Variants in PNPLA7 observed in about 807,000 individuals in gnomAD.
PNPLA7 encodes patatin like domain 7, lysophospholipase, also known as patatin-like phospholipase domain-containing protein 7.
PNPLA7 carries 153 observed loss-of-function variants against 161.7 expected under a neutral mutation model. That is an observed-to-expected ratio of 0.95 (90% CI 0.83 to 1.08). The LOEUF is 1.08. Ranked by LOEUF, PNPLA7 falls within the 50% of genes least tolerant of loss-of-function variation. PNPLA7 has a pLI of 0.00. For synonymous variants in PNPLA7, 809 were observed against 782.1 expected (o/e 1.03, Z -0.57); for missense variants, 1,739 against 1,856.6 (o/e 0.94, Z 1.16).
At chr9:137,538,353 C>T (rs1836004954) in intron 8 of PNPLA7, among the ~76,000 whole-genome samples, 1 of 152,238 alleles carries the variant, frequency 6.6e-6, no homozygotes, top group Non-Finnish European at 1.5e-5. Context: ...GCCCATCTGC[C>T]GGGGAGCAGA....
chr9:137,480,766 G>A (rs1459948038), intron 22 of PNPLA7, 194 bp downstream of exon 22: 4 of 760,708 alleles, frequency 5.3e-6, no homozygotes, highest in African/African-American at 5.2e-5. Context: ...CCCCTGGGAG[G>A]CCTGACAGTG....
In PNPLA7 at chr9:137,523,158, C is replaced by A. The variant is rs1008439097; in HGVS notation, c.748-301G>T. Among the ~76,000 whole-genome samples, 3 of 152,202 alleles carry A rather than the reference C, an allele frequency of 2.0e-5. No individual in the cohort carries two copies. The highest frequency in any genetic ancestry group is 4.4e-5 in the Non-Finnish European group (3 of 68,034). On this transcript the variant is annotated intron_variant, in intron 8 of 34. Transcript: ENST00000406427. This position sits in a 1 kb window ranked among gnomAD's most constrained non-coding sequence, Gnocchi z 4.4. Reference sequence around the variant, plus strand: ...CCATGGGGAGTTCCAACCACTCCCACCTGCCACTGAGGCTCACGGACCAGC... The same window carrying A: ...CCATGGGGAGTTCCAACCACTCCCAACTGCCACTGAGGCTCACGGACCAGC...
In PNPLA7 at chr9:137,547,849, C is replaced by G. The variant is rs1487805663; in HGVS notation, c.31-190G>C. Among the ~76,000 whole-genome samples, 14 of 152,208 alleles carry G rather than the reference C, an allele frequency of 9.2e-5. No homozygotes were observed. Among genetic ancestry groups the G allele is most frequent in the Non-Finnish European group, 4.4e-5 (3 of 68,030 alleles). On this transcript the variant is annotated intron_variant, in intron 1 of 34. Transcript: ENST00000406427. The surrounding 1 kb of genome is among the most constrained non-coding windows in gnomAD (Gnocchi z 4.6). ...TGCTAGGAAGCACTCAGAGAGCAAC[C>G]TGGCTCCCTCAGTCACTGGGATACA...
chr9:137,481,884 T>C (rs938420595), intron 21 of PNPLA7, among the ~76,000 whole-genome samples: 4 of 152,248 alleles, frequency 2.6e-5, no homozygotes, highest in Non-Finnish European at 4.4e-5. Flanking sequence ...TGCAGTGAGC[T>C]GAGATCGCGC....
chr9:137,502,197 G>T (rs141665814), intron 14 of PNPLA7, among the ~76,000 whole-genome samples: 1 of 152,164 alleles, frequency 6.6e-6, no homozygotes, highest in Non-Finnish European at 1.5e-5. Context: ...AGAAGGCAGA[G>T]GTTGCAGTGG....
intron 26 of PNPLA7, among the ~76,000 whole-genome samples, chr9:137,465,111 C>T (rs1334858588): frequency 6.6e-6 from 1 of 152,110 alleles, no homozygotes; most frequent in African/African-American, 2.4e-5. Flanking sequence ...GCTCAGGGGA[C>T]GGAGGCTGGG....
chr9:137,514,060 G>A (rs997371799), intron 12 of PNPLA7, among the ~76,000 whole-genome samples: 12 of 152,110 alleles, frequency 7.9e-5, no homozygotes, highest in African/African-American at 1.2e-4. Context: ...GGCTGTGGGC[G>A]GGTCACCTGA....
At chr9:137,512,033 G>A (rs1216548350) in intron 12 of PNPLA7, among the ~76,000 whole-genome samples, 2 of 152,154 alleles carry the variant, frequency 1.3e-5, no homozygotes, top group South Asian at 2.1e-4. Flanking sequence ...GGCCACTACC[G>A]GACTCTGCGC....
chr9:137,547,506 C>A lies in PNPLA7; in HGVS notation c.105+79G>T. 2 of 1,594,436 alleles carry A rather than the reference C, an allele frequency of 1.3e-6. No homozygotes were observed. The highest frequency in any genetic ancestry group is 1.1e-5 in the South Asian group (1 of 90,694). On this transcript the variant is annotated intron_variant, in intron 2 of 34. Transcript: ENST00000406427. The surrounding 1 kb of genome is among the most constrained non-coding windows in gnomAD (Gnocchi z 4.6). ...CAACCACAGGCTGGGCAGGAATGAG[C>A]CAGGGGATGGGGACAGGGAGAGGTG... is the stretch of plus-strand genomic sequence containing the variant.
rs186332332 is a variant in PNPLA7 at position 137,520,597 on chromosome 9, C to T, written c.958-554G>A. Among the ~76,000 whole-genome samples, 298 of 152,344 alleles carry T rather than the reference C, an allele frequency of 2.0e-3. 1 individual carries two copies. Among genetic ancestry groups the T allele is most frequent in the South Asian group, 3.5e-3 (17 of 4,828 alleles). On this transcript the variant is annotated intron_variant, in intron 10 of 34. Transcript: ENST00000406427. This position sits in a 1 kb window ranked among gnomAD's most constrained non-coding sequence, Gnocchi z 5.2. Reference sequence around the variant, plus strand: ...CTTTACTAACCGAGCTCCACTTGCCCCATGACTAAAGAGAGCCCTCCGCAT... The same window carrying T: ...CTTTACTAACCGAGCTCCACTTGCCTCATGACTAAAGAGAGCCCTCCGCAT...
chr9:137,519,141 T>C (rs1354712089), intron 11 of PNPLA7, among the ~76,000 whole-genome samples: 3 of 152,248 alleles, frequency 2.0e-5, no homozygotes, highest in Non-Finnish European at 4.4e-5. Context: ...CTCATCAGCA[T>C]TGCTTCATTT....
At position 137,462,748 on chromosome 9, in the gene PNPLA7, C is replaced by T; in HGVS notation, c.3429G>A (p.Gly1143=). ...GCAGCCACCACCCAGACAGCGCATC[C>T]CCATAGTTGGTGAGGTCCGTCTCAT... ...SRDETDLTNY[G]DALSGWWLLW... is the part of the protein sequence containing the mutation. The change falls in exon 30 of 35, where the codon GGG becomes GGA. Residue 1143 remains glycine (G), a synonymous_variant. Coordinates refer to ENST00000406427, the MANE Select transcript of PNPLA7 (RefSeq NM_001098537.3). 1 of 1,614,034 alleles carries T rather than the reference C, an allele frequency of 6.2e-7. No homozygotes were observed. The highest frequency in any genetic ancestry group is 8.5e-7 in the Non-Finnish European group (1 of 1,180,000).
At chr9:137,544,418 C>A (rs1257010309) in intron 4 of PNPLA7, among the ~76,000 whole-genome samples, 1 of 152,212 alleles carries the variant, frequency 6.6e-6, no homozygotes, top group Non-Finnish European at 1.5e-5. Context: ...GCTTCCCTGT[C>A]CTCTGTGGGG....
intron 10 of PNPLA7, 28 bp downstream of exon 10, chr9:137,521,607 TG>T: frequency 6.2e-7 from 1 of 1,609,350 alleles, no homozygotes. Context: ...TGGAGCAGCA[TG>T]GGGCTTTGTG....
At position 137,462,035 on chromosome 9, in the gene PNPLA7, C is replaced by T; in HGVS notation, c.3652G>A (p.Gly1218Ser). 4 of 1,593,930 alleles carry T rather than the reference C, an allele frequency of 2.5e-6. No individual in the cohort carries two copies. The South Asian group carries it at 3.4e-5, about 13-fold the overall frequency. The change falls in exon 32 of 35, where the codon GGC becomes AGC. Residue 1218 changes from glycine to serine, a missense_variant. By Grantham distance (56) the Gly-to-Ser change is moderately conservative. This residue lies in a region of PNPLA7 where 703 missense variants were observed against 694.6 expected (regional missense o/e 1.01). Transcript: ENST00000406427. ...FGKFNEICEV[G>S]YQHGRTVFDI... is the part of the protein sequence containing the mutation. ...AACACCGTGCGCCCGTGCTGGTAGC[C>T]CACTTCCTGTGCACACCCCCAGGGC...
At chr9:137,508,112 G>C (rs1834016811) in intron 12 of PNPLA7, among the ~76,000 whole-genome samples, 1 of 152,088 alleles carries the variant, frequency 6.6e-6, no homozygotes, top group Non-Finnish European at 1.5e-5. Context: ...TGGATCACTT[G>C]AGCCCTCATG....
Position 137,543,804 on chromosome 9 carries a change from G to A in PNPLA7, c.285C>T (p.Leu95=). 1 of 1,613,662 alleles carries A rather than the reference G, an allele frequency of 6.2e-7. No individual in the cohort carries two copies. The highest frequency in any genetic ancestry group is 8.5e-7 in the Non-Finnish European group (1 of 1,179,894). Residue 95 remains leucine (L), a synonymous_variant, in exon 5 of 35, where the codon CTC becomes CTT. Transcript: ENST00000406427. The surrounding 1 kb of genome is among the most constrained non-coding windows in gnomAD (Gnocchi z 6.9). ...GRKIMRKVTT[L]PNTLVENTAL... Reference sequence around the variant, plus strand: ...CAGTGTTCTCCACAAGGGTGTTGGGGAGTGTGGTCACCTGCAGAGCCAAGG... The same window carrying A: ...CAGTGTTCTCCACAAGGGTGTTGGGAAGTGTGGTCACCTGCAGAGCCAAGG...
At chr9:137,514,203 A>C (rs1465195802) in intron 12 of PNPLA7, among the ~76,000 whole-genome samples, 8 of 78,216 alleles carry the variant, frequency 1.0e-4, no homozygotes, top group Non-Finnish European at 1.0e-4. Context: ...GCTGGGCTGC[A>C]GGCGGGTCAC....
intron 22 of PNPLA7, 105 bp from the exon 23 acceptor site, chr9:137,480,585 C>T (rs1832166960): frequency 3.2e-6 from 4 of 1,253,358 alleles, no homozygotes; most frequent in African/African-American, 1.5e-5. Flanking sequence ...AGCCGCTGCC[C>T]CTTCCCCTCC....
Sources: gnomAD v4.1 joint callset for allele counts (sites outside exome capture counted in the v4.1 genomes callset) on GRCh38, gnomAD v4.1.1 for gene constraint, gnomAD v4.1.1 regional missense constraint, Gnocchi (gnomAD v3.1) non-coding constraint, MANE v1.5 for transcripts, NCBI Gene and HGNC (gene_info 2026-07-23, HGNC 2026-07-21) for gene names.